Variants in AXIN1 observed in about 807,000 individuals in gnomAD.
AXIN1 encodes the protein axin 1.
Under a neutral mutation model 76.4 loss-of-function variants are expected in AXIN1, and 30 were observed. That is an observed-to-expected ratio of 0.39 (90% CI 0.29 to 0.53). The LOEUF (loss-of-function observed/expected upper bound fraction) is 0.53, where lower values mean the gene tolerates loss of function less well. Among genes scored for constraint, AXIN1 ranks in the 20% least tolerant of loss-of-function variants. AXIN1 has a pLI of 0.66. For synonymous variants in AXIN1, 545 were observed against 501.4 expected, an observed-to-expected ratio of 1.09 and a Z score of -1.16; for missense variants, 1,140 against 1,198.8, an observed-to-expected ratio of 0.95 and a Z score of 0.72.
At chr16:332,663 C>CA (rs34523667) in intron 2 of AXIN1, among the ~76,000 whole-genome samples, 62,718 of 113,584 alleles carry the variant, frequency 0.55, 16,127 homozygotes, top group African/African-American at 0.69. Flanking sequence ...TGATCTAAAC[C>CA]AAAAAAAAAA....
chr16:323,528 T>TCCCA (rs2053509905), intron 2 of AXIN1, among the ~76,000 whole-genome samples: 1 of 148,376 alleles, frequency 6.7e-6, no homozygotes, highest in African/African-American at 2.5e-5. Context: ...AAAACTGTAA[T>TCCCA]CCCAGCACTT....
At chr16:327,442 C>G (rs1000308527) in intron 2 of AXIN1, among the ~76,000 whole-genome samples, 1 of 152,220 alleles carries the variant, frequency 6.6e-6, no homozygotes, top group African/African-American at 2.4e-5. Flanking sequence ...GCCTAGGAGG[C>G]CTCGCTGTGG....
chr16:342,584 G>T (rs995090674), intron 2 of AXIN1, among the ~76,000 whole-genome samples: 2 of 152,172 alleles, frequency 1.3e-5, no homozygotes, highest in Non-Finnish European at 2.9e-5. Context: ...CGTCTGTCTG[G>T]GTGGAGAACC....
chr16:305,643 A>T (rs946974122), intron 4 of AXIN1, among the ~76,000 whole-genome samples: 1 of 152,066 alleles, frequency 6.6e-6, no homozygotes, highest in Admixed American at 6.6e-5. Context: ...TCCCGGGTTC[A>T]CGCCATTCTC....
intron 7 of AXIN1, among the ~76,000 whole-genome samples, chr16:296,807 G>A (rs180672440): frequency 2.2e-3 from 342 of 152,228 alleles, no homozygotes; most frequent in African/African-American, 7.8e-3. Context: ...TGACAGCCAC[G>A]TCAGCTTCCC....
chr16:327,581 T>C (rs1267077915), intron 2 of AXIN1, among the ~76,000 whole-genome samples: 1 of 152,166 alleles, frequency 6.6e-6, no homozygotes, highest in East Asian at 1.9e-4. Flanking sequence ...AGGGAGGGTG[T>C]GTGTTTCTGC....
Position 352,513 on chromosome 16 carries a change from G to C in AXIN1, c.-226C>G. The stretch of plus-strand genomic sequence containing the variant: ...GCCCCCATCTCGGCGGCTGCGGCTC[G>C]GCGGCCCGGAGGCGGACGCGGGGCA... On this transcript the variant is annotated 5_prime_UTR_variant, in exon 1 of 11. Coordinates refer to ENST00000262320, the MANE Select transcript of AXIN1 (RefSeq NM_003502.4). 1 of 789,618 alleles carries C rather than the reference G, an allele frequency of 1.3e-6. No homozygotes were observed. The highest frequency in any genetic ancestry group is 1.5e-6 in the Non-Finnish European group (1 of 654,206). The allele number at this position is 789,618 out of a possible 1,614,324, so 48.9% of individuals were successfully genotyped here.
At chr16:288,668 C>CGCCAGGCTCT (rs906432437) in intron 10 of AXIN1, among the ~76,000 whole-genome samples, 2 of 152,240 alleles carry the variant, frequency 1.3e-5, no homozygotes, top group African/African-American at 2.4e-5. Context: ...GGGAACCACC[C>CGCCAGGCTCT]GCCAGGCTCT....
chr16:309,254 C>T (rs530342674), intron 4 of AXIN1, among the ~76,000 whole-genome samples: 125 of 151,740 alleles, frequency 8.2e-4, no homozygotes, highest in African/African-American at 2.9e-3. Context: ...GACGTGAACC[C>T]GGGAGGCAGA....
At chr16:288,643 T>G (rs918049057) in intron 10 of AXIN1, among the ~76,000 whole-genome samples, 1 of 152,180 alleles carries the variant, frequency 6.6e-6, no homozygotes, top group African/African-American at 2.4e-5. Flanking sequence ...GTTTGCACAG[T>G]GGCTTGTGGA....
chr16:304,166 G>A, intron 5 of AXIN1, 138 bp downstream of exon 5: 2 of 1,420,876 alleles, frequency 1.4e-6, no homozygotes, highest in African/African-American at 1.4e-5. Flanking sequence ...GGGGAACAGG[G>A]GACTCAGCCG....
chr16:317,331 G>A (rs538766350), intron 2 of AXIN1, among the ~76,000 whole-genome samples: 2 of 152,286 alleles, frequency 1.3e-5, no homozygotes, highest in East Asian at 3.9e-4. Context: ...CCCTCTGGAG[G>A]GTATCGCATG....
rs754719155 is a variant in AXIN1 at position 289,491 on chromosome 16, G to A, written c.2411C>T (p.Ala804Val). The change falls in exon 10 of 11, where the codon GCT (alanine) becomes GTT (valine). Residue 804 changes from alanine to valine, a missense_variant. Physicochemically the swap from Ala to Val is moderately conservative, Grantham distance 64. Coordinates refer to ENST00000262320, the MANE Select transcript of AXIN1 (RefSeq NM_003502.4). ...IPYRTLVRGR[A>V]VTLGQFKELL... ...CTCCTTGAACTGGCCCAGGGTGACA[G>A]CGCGGCCCCTCACCAGGGTGCGGTA... is the stretch of plus-strand genomic sequence containing the variant. The A allele has an allele frequency of 6.2e-7, 1 of 1,612,970 alleles. No homozygotes were observed.
chr16:310,364 A>G (rs1165881954), intron 3 of AXIN1, among the ~76,000 whole-genome samples: 1 of 152,168 alleles, frequency 6.6e-6, no homozygotes, highest in African/African-American at 2.4e-5. Flanking sequence ...CCTGTTCTTT[A>G]GGGCCTGACA....
rs887582864 is a variant in AXIN1 at position 306,748 on chromosome 16, G to A, written c.1117-2307C>T. Among the ~76,000 whole-genome samples, 2 of 152,232 alleles carry A rather than the reference G, an allele frequency of 1.3e-5. 1 individual carries two copies. The highest frequency in any genetic ancestry group is 4.1e-4 in the South Asian group (2 of 4,832). On this transcript the variant is annotated intron_variant, in intron 4 of 10. Transcript: ENST00000262320. The stretch of plus-strand genomic sequence containing the variant: ...CAAGGGCACGCCCAGGACACTGGGT[G>A]ATGCCTCAGAGCTGGGAAAAGTCAC...
intron 5 of AXIN1, among the ~76,000 whole-genome samples, chr16:298,782 T>A (rs893739737): frequency 1.2e-4 from 18 of 151,584 alleles, no homozygotes; most frequent in Non-Finnish European, 1.8e-4. Flanking sequence ...ATATATATAT[T>A]TTTTGAGACA....
At position 346,927 on chromosome 16, in the gene AXIN1, C is replaced by T. The variant is rs770442932; in HGVS notation, c.99G>A (p.Val33=). ...AGCTGGCGGGCCTCGGGTCTGTGGA[C>T]ACCAGTTCTCCCTCCTCACCAGGCA... ...PPVPGEEGEL[V]STDPRPASYS... is the part of the protein sequence containing the mutation. Residue 33 remains valine, a synonymous_variant, in exon 2 of 11, where the codon GTG becomes GTA. Coordinates refer to ENST00000262320, the MANE Select transcript of AXIN1 (RefSeq NM_003502.4). 8.1e-6 allele frequency: 13 copies of T among 1,614,132 alleles called. No individual in the cohort carries two copies. In the Admixed American group the frequency reaches 2.2e-4, roughly 27 times the overall value.
At chr16:299,501 T>C (rs1031183979) in intron 5 of AXIN1, among the ~76,000 whole-genome samples, 1 of 149,330 alleles carries the variant, frequency 6.7e-6, no homozygotes, top group Non-Finnish European at 1.5e-5. Context: ...TATAGGAGTG[T>C]GCCACCATGC....
At chr16:297,654 G>A (rs1219527937) in intron 6 of AXIN1, 68 bp downstream of exon 6, 3 of 1,483,086 alleles carry the variant, frequency 2.0e-6, no homozygotes, top group East Asian at 4.9e-5. Flanking sequence ...TTTATGAGGA[G>A]GTTCTGGCCT....
Sources: gnomAD v4.1 joint callset for allele counts (sites outside exome capture counted in the v4.1 genomes callset) on GRCh38, gnomAD v4.1.1 for gene constraint, MANE v1.5 for transcripts, NCBI Gene and HGNC (gene_info 2026-07-23, HGNC 2026-07-21) for gene names.